Variants in KHDRBS3 observed in about 807,000 individuals in gnomAD.
KHDRBS3 encodes the protein KH RNA binding domain containing, signal transduction associated 3.
KHDRBS3 carries 23 observed loss-of-function variants against 45.6 expected under a neutral mutation model. The ratio of observed to expected loss-of-function variants is 0.50; its 90% CI spans 0.36 to 0.72. KHDRBS3 has a LOEUF of 0.72. Among genes scored for constraint, KHDRBS3 ranks in the 30% least tolerant of loss-of-function variants. The probability of loss-of-function intolerance (pLI) is 0.00; values close to 1 mark genes in which losing one functional copy is unlikely to be tolerated. For synonymous variants in KHDRBS3, 162 were observed against 156.5 expected (o/e 1.04, Z -0.26); for missense variants, 352 against 424.8 (o/e 0.83, Z 1.51).
At chr8:135,475,965 C>A (rs918781181) in intron 1 of KHDRBS3, among the ~76,000 whole-genome samples, 1 of 152,078 alleles carries the variant, frequency 6.6e-6, no homozygotes, top group African/African-American at 2.4e-5. Context: ...AATGGAGGGG[C>A]CTTATGGAGT....
At chr8:135,548,718 C>A in intron 3 of KHDRBS3, 36 bp from the exon 4 acceptor site, 1 of 1,417,528 alleles carries the variant, frequency 7.1e-7, no homozygotes, top group African/African-American at 1.5e-5. Flanking sequence ...TATAATGACA[C>A]GTTTTTAAAT....
intron 5 of KHDRBS3, 150 bp from the exon 6 acceptor site, chr8:135,581,728 A>G: frequency 1.7e-6 from 1 of 603,998 alleles, no homozygotes; most frequent in Non-Finnish European, 2.7e-6. Context: ...CACCTGTTTC[A>G]TGTTTGCTTT....
intron 5 of KHDRBS3, among the ~76,000 whole-genome samples, chr8:135,575,203 C>A (rs1162145156): frequency 6.6e-6 from 1 of 152,196 alleles, no homozygotes; most frequent in Non-Finnish European, 1.5e-5. Flanking sequence ...CTGCATTAGA[C>A]ATATTATATT....
intron 2 of KHDRBS3, 58 bp from the exon 3 acceptor site, chr8:135,542,596 G>A (rs1448727307): frequency 1.3e-5 from 14 of 1,082,340 alleles, no homozygotes; most frequent in Non-Finnish European, 2.0e-5. Flanking sequence ...TAACATTCAA[G>A]ATTAAGAAAT....
intron 5 of KHDRBS3, among the ~76,000 whole-genome samples, chr8:135,577,445 A>AT (rs58813649): frequency 0.38 from 57,050 of 150,328 alleles, 12,212 homozygotes; most frequent in South Asian, 0.54. Flanking sequence ...TTAACTACTG[A>AT]TTTTTTTTTT....
At chr8:135,584,455 T>G (rs2130934825) in intron 6 of KHDRBS3, among the ~76,000 whole-genome samples, 1 of 152,276 alleles carries the variant, frequency 6.6e-6, no homozygotes, top group East Asian at 1.9e-4. Flanking sequence ...TCATGAAGGG[T>G]TCAGATTACA....
chr8:135,613,138 A>T (rs1235553579), intron 7 of KHDRBS3, among the ~76,000 whole-genome samples: 2 of 151,812 alleles, frequency 1.3e-5, no homozygotes, highest in Admixed American at 1.3e-4. Flanking sequence ...TCCTATTTTA[A>T]TGTTTGTATG....
At chr8:135,551,448 A>G (rs1488518077) in intron 4 of KHDRBS3, among the ~76,000 whole-genome samples, 1 of 152,172 alleles carries the variant, frequency 6.6e-6, no homozygotes, top group African/African-American at 2.4e-5. Flanking sequence ...AGTTTTTATC[A>G]TGAATAAATG....
At chr8:135,582,546 G>A (rs1177989382) in intron 6 of KHDRBS3, among the ~76,000 whole-genome samples, 1 of 152,136 alleles carries the variant, frequency 6.6e-6, no homozygotes, top group African/African-American at 2.4e-5. Flanking sequence ...TTTTCAATTA[G>A]TGCAAATCAG....
intron 1 of KHDRBS3, among the ~76,000 whole-genome samples, chr8:135,511,972 C>CT (rs2130587249): frequency 6.6e-6 from 1 of 152,162 alleles, no homozygotes; most frequent in Non-Finnish European, 1.5e-5. Flanking sequence ...CTTATTTGTC[C>CT]TTATTAGACT....
intron 5 of KHDRBS3, among the ~76,000 whole-genome samples, chr8:135,576,794 A>T (rs1478366328): frequency 6.6e-5 from 10 of 152,208 alleles, no homozygotes; most frequent in Non-Finnish European, 1.5e-4. Flanking sequence ...GCTGACATAG[A>T]ATGGACATAT....
chr8:135,611,746 T>C (rs890400348), intron 7 of KHDRBS3, among the ~76,000 whole-genome samples: 6 of 151,918 alleles, frequency 3.9e-5, no homozygotes, highest in African/African-American at 1.5e-4. Context: ...TCTCCAAATA[T>C]GGTCACAGTC....
intron 5 of KHDRBS3, among the ~76,000 whole-genome samples, chr8:135,558,308 G>A (rs1329867904): frequency 1.0e-5 from 1 of 98,690 alleles, no homozygotes; most frequent in African/African-American, 2.9e-5. Context: ...AATCTGATAT[G>A]ACTATCTCAA....
chr8:135,561,928 TCA>T (rs780865360), intron 5 of KHDRBS3, among the ~76,000 whole-genome samples: 3 of 152,082 alleles, frequency 2.0e-5, no homozygotes, highest in Non-Finnish European at 4.4e-5. Flanking sequence ...TCGTACAGAT[TCA>T]CAGTGTTTGT....
intron 5 of KHDRBS3, among the ~76,000 whole-genome samples, chr8:135,575,475 T>A (rs1387174079): frequency 6.6e-6 from 1 of 152,206 alleles, no homozygotes; most frequent in East Asian, 1.9e-4. Flanking sequence ...CTGCTGCCCT[T>A]ACAAACATGT....
chr8:135,599,226 C>T (rs764140610), intron 6 of KHDRBS3, among the ~76,000 whole-genome samples: 5 of 152,190 alleles, frequency 3.3e-5, no homozygotes, highest in South Asian at 2.1e-4. Flanking sequence ...CCTGCCAGCT[C>T]GGTGCTGTTT....
chr8:135,585,224 G>T (rs1366120651), intron 6 of KHDRBS3, among the ~76,000 whole-genome samples: 3 of 91,374 alleles, frequency 3.3e-5, no homozygotes, highest in Non-Finnish European at 2.1e-5. Context: ...GCGAGACTCC[G>T]TCTCAAAAAA....
intron 4 of KHDRBS3, among the ~76,000 whole-genome samples, chr8:135,557,031 A>G (rs1051461476): frequency 6.6e-6 from 1 of 152,154 alleles, no homozygotes; most frequent in Non-Finnish European, 1.5e-5. Context: ...TCTTTGCTAG[A>G]GTGAAGTCCT....
chr8:135,501,092 A>G (rs1823713094), intron 1 of KHDRBS3, among the ~76,000 whole-genome samples: 1 of 152,174 alleles, frequency 6.6e-6, no homozygotes, highest in Admixed American at 6.5e-5. Flanking sequence ...AAGTGCCTCA[A>G]CTGTGTCTGC....
Sources: gnomAD v4.1 joint callset for allele counts (sites outside exome capture counted in the v4.1 genomes callset) on GRCh38, gnomAD v4.1.1 for gene constraint, MANE v1.5 for transcripts, NCBI Gene and HGNC (gene_info 2026-07-23, HGNC 2026-07-21) for gene names.